The following DMD variants were observed in gnomAD, a reference collection of about 807,000 sequenced individuals.
DMD encodes dystrophin.
A neutral mutation model predicts 330.1 loss-of-function variants in DMD; 63 were observed. The ratio of observed to expected loss-of-function variants is 0.19; its 90% CI spans 0.16 to 0.24. The LOEUF (loss-of-function observed/expected upper bound fraction) is 0.24, where lower values mean the gene tolerates loss of function less well. Among genes scored for constraint, DMD ranks in the 10% least tolerant of loss-of-function variants. DMD has a pLI of 1.00. For missense variants in DMD, 3,344 were observed against 2,684.1 expected, an observed-to-expected ratio of 1.25 and a Z score of -5.43; for synonymous variants, 1,223 against 959.8, an observed-to-expected ratio of 1.27 and a Z score of -5.07.
In DMD at chrX:32,296,312, C is replaced by A. The variant is rs748460953; in HGVS notation, c.6118-8611G>T. On this transcript the variant is annotated intron_variant, in intron 42 of 78. Transcript: ENST00000357033. Reference sequence around the variant, plus strand: ...AGGCTAAGGTAGGAGAATCACTTGACCCCAGGAAGCGGAGGTTGCAGTGAG... The same window carrying A: ...AGGCTAAGGTAGGAGAATCACTTGAACCCAGGAAGCGGAGGTTGCAGTGAG... Among the ~76,000 whole-genome samples, 6 of 111,133 alleles carry A rather than the reference C, an allele frequency of 5.4e-5. No homozygotes were observed. The South Asian group carries it at 1.6e-3, about 29-fold the overall frequency.
chrX:31,803,265 G>C (rs1188020717), intron 50 of DMD, among the ~76,000 whole-genome samples: 1 of 112,133 alleles, frequency 8.9e-6, no homozygotes. Flanking sequence ...CTAAAGGCAA[G>C]TCTGAACTCA....
chrX:32,241,304 A>G (rs752452160), intron 43 of DMD, among the ~76,000 whole-genome samples: 9 of 112,088 alleles, frequency 8.0e-5, no homozygotes, highest in Non-Finnish European at 1.7e-4. Flanking sequence ...TTGCACTGCA[A>G]TGTTACTGGG....
At chrX:31,456,886 ATATAT>A (rs1569544168) in intron 59 of DMD, among the ~76,000 whole-genome samples, 1 of 102,516 alleles carries the variant, frequency 9.8e-6, no homozygotes, top group Non-Finnish European at 2.0e-5. Context: ...GTATATATAT[ATATAT>A]TATATACCTA....
chrX:32,935,172 GTTTCACC>G (rs2089914120), intron 2 of DMD, among the ~76,000 whole-genome samples: 1 of 112,802 alleles, frequency 8.9e-6, no homozygotes, highest in Admixed American at 9.3e-5. Flanking sequence ...TAGAGACGGG[GTTTCACC>G]GTGTTAGCCA....
At chrX:31,434,473 C>CACAT (rs1491178219) in intron 60 of DMD, among the ~76,000 whole-genome samples, 1 of 91,138 alleles carries the variant, frequency 1.1e-5, no homozygotes, top group East Asian at 3.7e-4. Flanking sequence ...CACACACACA[C>CACAT]ATTTAGGTCC....
chrX:32,621,605 G>A (rs970475632), intron 11 of DMD, among the ~76,000 whole-genome samples: 5 of 109,829 alleles, frequency 4.6e-5, no homozygotes, highest in Non-Finnish European at 7.6e-5. Context: ...GATTATAGGC[G>A]CGAGTCCCCG....
intron 63 of DMD, among the ~76,000 whole-genome samples, chrX:31,255,549 C>T (rs772989293): frequency 5.5e-4 from 61 of 111,204 alleles, no homozygotes; most frequent in Non-Finnish European, 1.0e-3. Context: ...CTGTAAGACA[C>T]GGATGGGTGG....
At chrX:32,120,331 C>G (rs756663266) in intron 44 of DMD, among the ~76,000 whole-genome samples, 1 of 112,022 alleles carries the variant, frequency 8.9e-6, no homozygotes, top group African/African-American at 3.2e-5. Flanking sequence ...TCTGGACCTG[C>G]ACCAAAGTTA....
intron 2 of DMD, among the ~76,000 whole-genome samples, chrX:33,016,290 T>A (rs778879103): frequency 1.8e-5 from 2 of 111,384 alleles, no homozygotes; most frequent in East Asian, 2.8e-4. Flanking sequence ...TCTTCAGGAA[T>A]CAGATCTTAG....
chrX:32,169,487 C>T (rs2096879730), intron 44 of DMD, among the ~76,000 whole-genome samples: 4 of 111,478 alleles, frequency 3.6e-5, no homozygotes, highest in South Asian at 7.6e-4. Context: ...TTTTATTTAT[C>T]GCCCAATTCA....
chrX:32,778,739 T>A (rs2074416320), intron 7 of DMD, among the ~76,000 whole-genome samples: 1 of 111,595 alleles, frequency 9.0e-6, no homozygotes, highest in Non-Finnish European at 1.9e-5. Flanking sequence ...ATTATATCAC[T>A]CAGGCCTACT....
chrX:33,316,407 G>A (rs1482144020), intron 1 of DMD, among the ~76,000 whole-genome samples: 1 of 111,156 alleles, frequency 9.0e-6, no homozygotes, highest in Admixed American at 9.6e-5. Flanking sequence ...AATAATCCAG[G>A]TATACATACA....
At chrX:31,160,796 C>T (rs61579120) in intron 74 of DMD, among the ~76,000 whole-genome samples, 12,484 of 111,271 alleles carry the variant, frequency 0.11, 1,236 homozygotes, top group African/African-American at 0.31. Context: ...GGAGAACTGT[C>T]ACCCTATCTT....
At chrX:31,549,789 C>T (rs2074371201) in intron 55 of DMD, among the ~76,000 whole-genome samples, 1 of 112,288 alleles carries the variant, frequency 8.9e-6, no homozygotes, top group Admixed American at 9.5e-5. Flanking sequence ...GAAATTATGA[C>T]TTACAGCATA....
At chrX:32,524,777 G>A (rs192529048) in intron 17 of DMD, among the ~76,000 whole-genome samples, 297 of 112,220 alleles carry the variant, frequency 2.6e-3, no homozygotes, top group African/African-American at 8.9e-3. Flanking sequence ...TCAATTTTTT[G>A]TCTGACTTTA....
At chrX:33,235,199 C>G (rs1469685974) in intron 1 of DMD, among the ~76,000 whole-genome samples, 1 of 111,577 alleles carries the variant, frequency 9.0e-6, no homozygotes, top group Non-Finnish European at 1.9e-5. Context: ...AAAAATTAAC[C>G]CCTACACAAC....
At position 33,304,962 on chromosome X, in the gene DMD, G is replaced by A. The variant is rs902953326; in HGVS notation, c.7+34297C>T. On this transcript the variant is annotated intron_variant, in intron 1 of 17. Coordinates refer to the DMD transcript ENST00000288447. ...GGAGAAATAGGAACACTTTTACACT[G>A]TTGGCGGGACTGTAAACTAGTTCAA... is the stretch of plus-strand genomic sequence containing the variant. 6.5e-5 allele frequency among the ~76,000 whole-genome samples: 7 copies of A among 108,145 alleles called. No homozygotes were observed. The Admixed American group carries it at 7.0e-4, about 11-fold the overall frequency. 93.9% of individuals were successfully genotyped at this position (108,145 alleles called of 115,157 possible).
chrX:31,172,789 A>G (rs1246860994), intron 72 of DMD, among the ~76,000 whole-genome samples: 1 of 111,836 alleles, frequency 8.9e-6, no homozygotes, highest in East Asian at 2.8e-4. Flanking sequence ...CACTGATGAC[A>G]GACTTACACA....
intron 9 of DMD, among the ~76,000 whole-genome samples, chrX:32,678,493 C>T (rs778079471): frequency 3.7e-5 from 4 of 107,244 alleles, no homozygotes; most frequent in Admixed American, 2.0e-4. Context: ...ACTGTGTTTG[C>T]GTGTCCGTGT....
Sources: gnomAD v4.1 joint callset for allele counts (sites outside exome capture counted in the v4.1 genomes callset) on GRCh38, gnomAD v4.1.1 for gene constraint, MANE v1.5 for transcripts, NCBI Gene and HGNC (gene_info 2026-07-23, HGNC 2026-07-21) for gene names.